Variants in SCUBE1 observed in about 807,000 individuals in gnomAD.
SCUBE1 encodes signal peptide, CUB and EGF-like domain-containing protein 1.
SCUBE1 carries 59 observed loss-of-function variants against 124.4 expected under a neutral mutation model. The observed-to-expected ratio is 0.47, with a 90% confidence interval of 0.38 to 0.59. SCUBE1 has a LOEUF of 0.59. Ranked by LOEUF, SCUBE1 falls within the 20% of genes least tolerant of loss-of-function variation. The pLI, the probability that SCUBE1 is intolerant of heterozygous loss-of-function variation, is 0.00. For synonymous variants in SCUBE1, 545 were observed against 550.9 expected (o/e 0.99, Z 0.15); for missense variants, 1,150 against 1,371.2 (o/e 0.84, Z 2.55).
At chr22:43,263,924 A>G (rs1485980381) in intron 4 of SCUBE1, among the ~76,000 whole-genome samples, 1 of 152,222 alleles carries the variant, frequency 6.6e-6, no homozygotes, top group Non-Finnish European at 1.5e-5. Context: ...CTGCAAGTTC[A>G]CACGGAAAGA....
At chr22:43,303,266 C>A (rs1225945260) in intron 3 of SCUBE1, among the ~76,000 whole-genome samples, 1 of 152,272 alleles carries the variant, frequency 6.6e-6, no homozygotes, top group African/African-American at 2.4e-5. Context: ...CACCTGTCCT[C>A]ACCTACCAGG....
In SCUBE1 at chr22:43,231,856, G is replaced by A; in HGVS notation, c.864C>T (p.Val288=). 6.2e-7 allele frequency: 1 copy of A among 1,613,620 alleles called. No individual in the cohort carries two copies. Among genetic ancestry groups the A allele is most frequent in the Non-Finnish European group, 8.5e-7 (1 of 1,179,784 alleles). ...KTCKDINECL[V]NNGGCDHFCR... ...AGAAGTGGTCGCAGCCTCCGTTGTT[G>A]ACCAGGCACTCGTTGATGTCTGTGG... The change falls in exon 8 of 22, where the codon GTC becomes GTT. Residue 288 remains valine (V), a synonymous_variant. Coordinates refer to ENST00000360835, the MANE Select transcript of SCUBE1 (RefSeq NM_173050.5).
intron 2 of SCUBE1, among the ~76,000 whole-genome samples, chr22:43,322,903 AT>A: frequency 6.6e-6 from 1 of 152,190 alleles, no homozygotes; most frequent in East Asian, 1.9e-4. Context: ...AGCCCTTTTA[AT>A]TCTCACAGCA....
At chr22:43,269,767 A>G (rs1924219804) in intron 4 of SCUBE1, among the ~76,000 whole-genome samples, 1 of 152,168 alleles carries the variant, frequency 6.6e-6, no homozygotes, top group Non-Finnish European at 1.5e-5. Flanking sequence ...CGACTCCGCA[A>G]GCTGTCCAAG....
chr22:43,335,790 GTGATGATGATGGTGATGA>G (rs1927047388), intron 2 of SCUBE1, among the ~76,000 whole-genome samples: 1 of 144,800 alleles, frequency 6.9e-6, no homozygotes, highest in African/African-American at 2.5e-5. Flanking sequence ...GATGGTGATG[GTGATGATGATGGTGATGA>G]TGATGATGAT....
intron 14 of SCUBE1, among the ~76,000 whole-genome samples, chr22:43,219,621 C>A (rs530552462): frequency 2.7e-4 from 41 of 151,518 alleles, no homozygotes; most frequent in African/African-American, 4.1e-4. Flanking sequence ...TTACAGGTGC[C>A]TGCCACCACA....
At position 43,209,349 on chromosome 22, in the gene SCUBE1, C is replaced by T. The variant is rs181792594; in HGVS notation, c.2581+694G>A. On this transcript the variant is annotated intron_variant, in intron 19 of 21. Coordinates refer to ENST00000360835, the MANE Select transcript of SCUBE1 (RefSeq NM_173050.5). ...CTCGCTCACATGGGCACCCACAGCC[C>T]GACAGCAGCGAGGTGCCCTGGACAG... Among the ~76,000 whole-genome samples, 399 of 152,302 alleles carry T rather than the reference C, an allele frequency of 2.6e-3. 1 individual carries two copies. The highest frequency in any genetic ancestry group is 4.7e-3 in the Non-Finnish European group (318 of 68,018).
At chr22:43,297,629 C>T (rs942342825) in intron 3 of SCUBE1, among the ~76,000 whole-genome samples, 4 of 152,222 alleles carry the variant, frequency 2.6e-5, no homozygotes, top group Non-Finnish European at 4.4e-5. Context: ...TAGGTTGACC[C>T]GCTTCCGAAA....
At chr22:43,319,044 G>C (rs1185171131) in intron 3 of SCUBE1, among the ~76,000 whole-genome samples, 1 of 152,076 alleles carries the variant, frequency 6.6e-6, no homozygotes, top group Non-Finnish European at 1.5e-5. Context: ...TATACAATTG[G>C]CTTAAAAATG....
chr22:43,310,907 T>C (rs1487819225), intron 3 of SCUBE1, among the ~76,000 whole-genome samples: 3 of 152,156 alleles, frequency 2.0e-5, no homozygotes, highest in East Asian at 1.9e-4. Flanking sequence ...GCCTCCTTAG[T>C]AGCTGGGGCC....
intron 4 of SCUBE1, among the ~76,000 whole-genome samples, chr22:43,280,705 TCC>T: frequency 1.6e-5 from 1 of 64,376 alleles, no homozygotes; most frequent in Non-Finnish European, 2.9e-5. Flanking sequence ...CCCACCACCT[TCC>T]TCCTCGGCCA....
chr22:43,248,396 C>A (rs1923304119), intron 6 of SCUBE1, among the ~76,000 whole-genome samples: 1 of 152,234 alleles, frequency 6.6e-6, no homozygotes, highest in Admixed American at 6.5e-5. Flanking sequence ...CTCTACTAAG[C>A]CCTGCCTGGC....
chr22:43,327,752 A>G (rs1330485716), intron 2 of SCUBE1, among the ~76,000 whole-genome samples: 1 of 152,148 alleles, frequency 6.6e-6, no homozygotes. Context: ...ATGCCACTGC[A>G]CTCCAGCCTG....
At position 43,203,781 on chromosome 22, in the gene SCUBE1, G is replaced by A. The variant is rs946740109; in HGVS notation, c.*216C>T. ...CTTGGTGTCCTGGGGAAGGGAGGCA[G>A]AGGGAGGGAGGGAGGCTTCCTGAAG... On this transcript the variant is annotated 3_prime_UTR_variant, in exon 22 of 22. Transcript: ENST00000360835. 3.9e-6 allele frequency: 2 copies of A among 508,778 alleles called. No homozygotes were observed. The highest frequency in any genetic ancestry group is 7.0e-6 in the Non-Finnish European group (2 of 285,014). The allele number at this position is 508,778 out of a possible 1,614,324, so 31.5% of individuals were successfully genotyped here. A position where few individuals can be genotyped will look rare whatever the true frequency, so the allele number is the denominator to read the frequency against.
At position 43,343,301 on chromosome 22, in the gene SCUBE1, C is replaced by A; in HGVS notation, c.-40G>T. 2 of 983,108 alleles carry A rather than the reference C, an allele frequency of 2.0e-6. No individual in the cohort carries two copies. The highest frequency in any genetic ancestry group is 2.5e-6 in the Non-Finnish European group (2 of 810,492). The allele number at this position is 983,108 out of a possible 1,614,324, so 60.9% of individuals were successfully genotyped here. A position where few individuals can be genotyped will look rare whatever the true frequency, so the allele number is the denominator to read the frequency against. On this transcript the variant is annotated 5_prime_UTR_variant, in exon 1 of 22. Transcript: ENST00000360835. Reference sequence around the variant, plus strand: ...CCGCTGGGCGTGCGGGCGTGCGGGGCGCGGGGACCCGACCGACCGGCCGCT... The same window carrying A: ...CCGCTGGGCGTGCGGGCGTGCGGGGAGCGGGGACCCGACCGACCGGCCGCT...
intron 4 of SCUBE1, among the ~76,000 whole-genome samples, chr22:43,273,001 G>A (rs1327986128): frequency 6.6e-6 from 1 of 152,216 alleles, no homozygotes; most frequent in Non-Finnish European, 1.5e-5. Flanking sequence ...ACATCAAGAG[G>A]TGGCACACAA....
chr22:43,223,351 G>T, intron 10 of SCUBE1, 135 bp from the exon 11 acceptor site: 3 of 999,074 alleles, frequency 3.0e-6, no homozygotes, highest in Non-Finnish European at 2.8e-6. Flanking sequence ...TTGGTGGGAA[G>T]GCGCCTGGAG....
chr22:43,250,312 G>C (rs920460597), intron 6 of SCUBE1, among the ~76,000 whole-genome samples: 1 of 152,204 alleles, frequency 6.6e-6, no homozygotes, highest in East Asian at 1.9e-4. Flanking sequence ...CAGATGCTGC[G>C]ACTGCTCCCA....
chr22:43,316,378 T>C (rs1241670465), intron 3 of SCUBE1, among the ~76,000 whole-genome samples: 5 of 152,258 alleles, frequency 3.3e-5, no homozygotes. Flanking sequence ...CCAAAGGGAC[T>C]GTCGGCTCTG....
Sources: gnomAD v4.1 joint callset for allele counts (sites outside exome capture counted in the v4.1 genomes callset) on GRCh38, gnomAD v4.1.1 for gene constraint, MANE v1.5 for transcripts, NCBI Gene and HGNC (gene_info 2026-07-23, HGNC 2026-07-21) for gene names.